Variants in ABI3BP observed in about 807,000 individuals in gnomAD.
The protein encoded by ABI3BP is ABI family member 3 binding protein.
Under a neutral mutation model 268.6 loss-of-function variants are expected in ABI3BP, and 216 were observed. The ratio of observed to expected loss-of-function variants is 0.80; its 90% CI spans 0.72 to 0.90. ABI3BP has a LOEUF of 0.90. ABI3BP is among the 40% of genes least tolerant of loss of function. The pLI, the probability that ABI3BP is intolerant of heterozygous loss-of-function variation, is 0.00. For missense variants in ABI3BP, 2,090 were observed against 2,182.4 expected (o/e 0.96, Z 0.84); for synonymous variants, 730 against 730.0 (o/e 1.00, Z 0.00).
chr3:100,817,258 G>C (rs1432057480), intron 42 of ABI3BP, among the ~76,000 whole-genome samples, 178 bp downstream of exon 42: 1 of 152,108 alleles, frequency 6.6e-6, no homozygotes, highest in African/African-American at 2.4e-5. Context: ...AAAATAATAG[G>C]TAACTTCTAA....
intron 62 of ABI3BP, among the ~76,000 whole-genome samples, chr3:100,767,039 T>G (rs1394432506): frequency 6.6e-6 from 1 of 152,152 alleles, no homozygotes; most frequent in Non-Finnish European, 1.5e-5. Context: ...GGAGGCTCAC[T>G]GCAACCTCCG....
At chr3:100,794,723 T>G (rs1199648998) in intron 54 of ABI3BP, among the ~76,000 whole-genome samples, 200 bp downstream of exon 54, 1 of 152,010 alleles carries the variant, frequency 6.6e-6, no homozygotes, top group Admixed American at 6.6e-5. Context: ...CTTAGATGTG[T>G]TAAAACATTC....
intron 39 of ABI3BP, 49 bp from the exon 40 acceptor site, chr3:100,820,352 TA>T: frequency 7.1e-7 from 1 of 1,403,804 alleles, no homozygotes. Context: ...GCTCCGAAGC[TA>T]TGAGTAGCAT....
At chr3:100,886,663 A>T (rs1581951497) in intron 4 of ABI3BP, among the ~76,000 whole-genome samples, 1 of 152,122 alleles carries the variant, frequency 6.6e-6, no homozygotes, top group South Asian at 2.1e-4. Context: ...ATTCTATTAT[A>T]CATAGAGTAG....
chr3:100,905,253 G>T (rs1158637731), intron 2 of ABI3BP, among the ~76,000 whole-genome samples: 1 of 152,030 alleles, frequency 6.6e-6, no homozygotes, highest in Admixed American at 6.5e-5. Context: ...ACACACCGGG[G>T]CCTGTTGTTG....
At chr3:100,872,657 A>G (rs1338587021) in intron 9 of ABI3BP, among the ~76,000 whole-genome samples, 1 of 152,214 alleles carries the variant, frequency 6.6e-6, no homozygotes, top group Non-Finnish European at 1.5e-5. Flanking sequence ...CTCTGGGCAG[A>G]GAACAGGTTA....
Position 100,749,846 on chromosome 3 carries a change from C to G in ABI3BP, c.*649G>C, listed in dbSNP as rs536967674. 54 of 396,548 alleles carry G rather than the reference C, an allele frequency of 1.4e-4. No homozygotes were observed. The highest frequency in any genetic ancestry group is 1.1e-3 in the African/African-American group (53 of 48,628). The allele number at this position is 396,548 out of a possible 1,614,324, so 24.6% of individuals were successfully genotyped here. Reference sequence around the variant, plus strand: ...ACAATATATTAGACTCCATTTTTAGCTGAAATGAAATTTACTGATTCAATC... The same window carrying G: ...ACAATATATTAGACTCCATTTTTAGGTGAAATGAAATTTACTGATTCAATC... On this transcript the variant is annotated 3_prime_UTR_variant, in exon 68 of 68. Transcript: ENST00000471714.
chr3:100,977,039 T>C (rs1171400450), intron 1 of ABI3BP, among the ~76,000 whole-genome samples: 1 of 152,240 alleles, frequency 6.6e-6, no homozygotes, highest in African/African-American at 2.4e-5. Context: ...CCAATCACTC[T>C]TTAATCAGCA....
At chr3:100,836,043 T>C (rs951727436) in intron 27 of ABI3BP, among the ~76,000 whole-genome samples, 11 of 152,200 alleles carry the variant, frequency 7.2e-5, no homozygotes, top group African/African-American at 1.9e-4. Context: ...TTGAGAGTGG[T>C]AGTTGTGAGG....
Position 100,749,186 on chromosome 3 carries a change from G to A in ABI3BP, c.*1309C>T, listed in dbSNP as rs1315868960. The A allele has an allele frequency of 1.3e-5, 1 of 77,906 alleles. No individual in the cohort carries two copies. Among genetic ancestry groups the A allele is most frequent in the Non-Finnish European group, 2.8e-5 (1 of 35,902 alleles). The allele number at this position is 77,906 out of a possible 1,614,324, so 4.8% of individuals were successfully genotyped here. A position where few individuals can be genotyped will look rare whatever the true frequency, so the allele number is the denominator to read the frequency against. ...TTAAAATGAACTTTATTACTTCATA[G>A]GATGAAAGGTTAATTTAGGACATAA... On this transcript the variant is annotated 3_prime_UTR_variant, in exon 68 of 68. Transcript: ENST00000471714.
chr3:100,907,825 G>GA (rs2054161464), intron 2 of ABI3BP, among the ~76,000 whole-genome samples: 1 of 151,988 alleles, frequency 6.6e-6, no homozygotes, highest in African/African-American at 2.4e-5. Context: ...AACATAAAGG[G>GA]AAAGAAAAGG....
intron 37 of ABI3BP, 78 bp from the exon 38 acceptor site, chr3:100,822,750 G>T (rs2098267528): frequency 8.0e-7 from 1 of 1,245,574 alleles, no homozygotes; most frequent in African/African-American, 1.5e-5. Flanking sequence ...AAAAAAACAT[G>T]ACTCTACTGC....
At chr3:100,942,963 C>A (rs2070216446) in intron 1 of ABI3BP, among the ~76,000 whole-genome samples, 2 of 152,054 alleles carry the variant, frequency 1.3e-5, no homozygotes, top group African/African-American at 2.4e-5. Context: ...TATCATGAGA[C>A]TTTTACACAT....
chr3:100,989,417 T>C (rs996717584), intron 1 of ABI3BP, among the ~76,000 whole-genome samples: 3 of 152,206 alleles, frequency 2.0e-5, no homozygotes, highest in Admixed American at 2.0e-4. Flanking sequence ...ATAATAATGG[T>C]AATAGTTATT....
At chr3:100,820,844 A>C (rs558620070) in intron 39 of ABI3BP, among the ~76,000 whole-genome samples, 2 of 152,316 alleles carry the variant, frequency 1.3e-5, no homozygotes, top group African/African-American at 4.8e-5. Context: ...CAAAACATAG[A>C]CTGAGTTAGG....
At chr3:100,987,526 G>T (rs145492137) in intron 1 of ABI3BP, among the ~76,000 whole-genome samples, 1 of 152,200 alleles carries the variant, frequency 6.6e-6, no homozygotes, top group Non-Finnish European at 1.5e-5. Flanking sequence ...TTTAGCATCA[G>T]GACAAATTAT....
chr3:100,894,491 C>A (rs1214958328), intron 4 of ABI3BP, among the ~76,000 whole-genome samples: 1 of 152,074 alleles, frequency 6.6e-6, no homozygotes, highest in Non-Finnish European at 1.5e-5. Context: ...TTAAAACTTA[C>A]ACGGCAAGAC....
chr3:100,845,021 TA>T (rs201227612), intron 20 of ABI3BP, among the ~76,000 whole-genome samples: 5,681 of 152,290 alleles, frequency 0.037, 172 homozygotes, highest in Non-Finnish European at 0.052. Flanking sequence ...ATATAAACTA[TA>T]ACCAATGTTT....
In ABI3BP at chr3:100,789,486, G is replaced by T; in HGVS notation, c.4055C>A (p.Pro1352His). ...APHRFYTTVRPRTSDKPHIRP... is the reference protein window; with the variant it reads ...APHRFYTTVRHRTSDKPHIRP... ...GATGTGTGGCTTGTCAGATGTTCTG[G>T]GCCTCACAGTAGTATAAAATCTGTG... is the stretch of plus-strand genomic sequence containing the variant. Residue 1352 changes from proline to histidine, a missense_variant, in exon 56 of 68, where the codon CCC becomes CAC. Physicochemically the swap from Pro to His is moderately conservative, Grantham distance 77 (BLOSUM62 -2). Transcript: ENST00000471714. 6.2e-7 allele frequency: 1 copy of T among 1,600,048 alleles called. No homozygotes were observed. The highest frequency in any genetic ancestry group is 2.3e-5 in the East Asian group (1 of 44,378).
Sources: allele counts gnomAD v4.1 joint callset (sites outside exome capture counted in the v4.1 genomes callset), GRCh38; gene constraint gnomAD v4.1.1; transcripts MANE v1.5; gene names NCBI Gene and HGNC (gene_info 2026-07-23, HGNC 2026-07-21).